The following CEMIP2 variants were observed in gnomAD, a reference collection of about 807,000 sequenced individuals.
CEMIP2 encodes cell migration inducing hyaluronidase 2.
CEMIP2 carries 79 observed loss-of-function variants against 146.9 expected under a neutral mutation model. The observed-to-expected ratio is 0.54, with a 90% CI of 0.45 to 0.65. CEMIP2 has a LOEUF of 0.65. Ranked by LOEUF, CEMIP2 falls within the 30% of genes least tolerant of loss-of-function variation. The probability of loss-of-function intolerance (pLI) is 0.00; values close to 1 mark genes in which losing one functional copy is unlikely to be tolerated. For missense variants in CEMIP2, 1,596 were observed against 1,696.2 expected (o/e 0.94, Z 1.04); for synonymous variants, 601 against 606.3 (o/e 0.99, Z 0.13).
At chr9:71,698,283 CA>C in intron 19 of CEMIP2, 79 bp from the exon 20 acceptor site, 4 of 1,179,422 alleles carry the variant, frequency 3.4e-6, no homozygotes, top group East Asian at 4.7e-5. Context: ...AGCTCATGGC[CA>C]AAAGGGATAT....
rs1490583380 is a variant in CEMIP2 at position 71,730,415 on chromosome 9, G to A, written c.1774-162C>T. 4.6e-5 allele frequency among the ~76,000 whole-genome samples: 7 copies of A among 152,020 alleles called. No individual in the cohort carries two copies. The East Asian group carries it at 1.4e-3, about 29-fold the overall frequency. On this transcript the variant is annotated intron_variant, in intron 8 of 23. Transcript: ENST00000377044. ...TGTCAGGCTTAATTTATCTCTGAAG[G>A]GGATAATCTGCTTGGGTCCCACAGG...
At chr9:71,764,641 G>A (rs905362693) in intron 1 of CEMIP2, among the ~76,000 whole-genome samples, 1 of 151,756 alleles carries the variant, frequency 6.6e-6, no homozygotes, top group Non-Finnish European at 1.5e-5. Context: ...CCTCCCCACC[G>A]CACCCCTGGC....
At chr9:71,733,053 G>C (rs1346388979) in intron 6 of CEMIP2, among the ~76,000 whole-genome samples, 1 of 151,824 alleles carries the variant, frequency 6.6e-6, no homozygotes. Context: ...CCTCCCCTAG[G>C]GCATATGAAG....
chr9:71,712,326 GT>G, intron 15 of CEMIP2, 66 bp from the exon 16 acceptor site: 1 of 1,488,370 alleles, frequency 6.7e-7, no homozygotes, highest in Non-Finnish European at 9.2e-7. Context: ...TCACTTACTT[GT>G]TTTATGAAGA....
intron 23 of CEMIP2, 63 bp downstream of exon 23, chr9:71,685,680 C>A: frequency 7.3e-7 from 1 of 1,360,912 alleles, no homozygotes; most frequent in East Asian, 2.3e-5. Flanking sequence ...AGCTGAATTG[C>A]ACCATAAAAT....
intron 11 of CEMIP2, 136 bp from the exon 12 acceptor site, chr9:71,722,651 C>T: frequency 2.1e-6 from 1 of 469,522 alleles, no homozygotes. Context: ...AGCAAAGGTA[C>T]TGTAAAAAAA....
At chr9:71,733,618 C>T (rs112049623) in intron 6 of CEMIP2, among the ~76,000 whole-genome samples, 27 of 152,140 alleles carry the variant, frequency 1.8e-4, no homozygotes, top group African/African-American at 6.3e-4. Flanking sequence ...TACTGAAAAA[C>T]TAAAGAAGCA....
chr9:71,698,230 G>T, intron 19 of CEMIP2, 26 bp from the exon 20 acceptor site: 5 of 1,601,586 alleles, frequency 3.1e-6, no homozygotes, highest in Non-Finnish European at 4.3e-6. Flanking sequence ...ACCAATCCAT[G>T]TAGTTAGACT....
In CEMIP2 at chr9:71,694,600, A is replaced by C; in HGVS notation, c.3605T>G (p.Phe1202Cys). The C allele has an allele frequency of 6.2e-7, 1 of 1,610,704 alleles. No individual in the cohort carries two copies. The highest frequency in any genetic ancestry group is 8.5e-7 in the Non-Finnish European group (1 of 1,177,016). The part of the protein sequence containing the change: ...CQGCGTRQVV[F>C]TSDPHKSYLP... ...GTAACTTTTATGAGGATCACTAGTA[A>C]ACACCACCTAGACAGAGAAGAAGTT... Residue 1202 changes from phenylalanine to cysteine, a missense_variant, in exon 21 of 24, where the codon TTT becomes TGT. Coordinates refer to ENST00000377044, the MANE Select transcript of CEMIP2 (RefSeq NM_013390.3).
Position 71,725,593 on chromosome 9 carries a change from A to G in CEMIP2, c.2166T>C (p.His722=), listed in dbSNP as rs1295585800. 1.9e-6 allele frequency: 3 copies of G among 1,613,642 alleles called. No homozygotes were observed. In the African/African-American group the frequency reaches 4.0e-5, roughly 22 times the overall value. The change falls in exon 11 of 24, where the codon CAT becomes CAC. Residue 722 remains histidine (H), a synonymous_variant. Coordinates refer to ENST00000377044, the MANE Select transcript of CEMIP2 (RefSeq NM_013390.3). ...CTTAGAAACCTACCTTAAAATTTGA[A>G]TGGACCCTGTTGTTATAAAATATAC... The part of the protein sequence containing the change: ...PLGIFYNNRV[H]SNFKAGLFID...
Position 71,683,886 on chromosome 9 carries a change from C to T in CEMIP2, c.*1311G>A, listed in dbSNP as rs1821978166. On this transcript the variant is annotated 3_prime_UTR_variant, in exon 24 of 24. Transcript: ENST00000377044. ...CTACCACCCACCCTTGGCCATCCCT[C>T]CTCTACACTTTATGCGTCGGGGGTT... 1 of 152,476 alleles carries T rather than the reference C, an allele frequency of 6.6e-6. No individual in the cohort carries two copies. Among genetic ancestry groups the T allele is most frequent in the Non-Finnish European group, 1.5e-5 (1 of 68,062 alleles). The allele number at this position is 152,476 out of a possible 1,614,324, so 9.4% of individuals were successfully genotyped here.
intron 1 of CEMIP2, among the ~76,000 whole-genome samples, chr9:71,764,561 C>T (rs1289235580): frequency 6.6e-6 from 1 of 152,018 alleles, no homozygotes; most frequent in Non-Finnish European, 1.5e-5. Flanking sequence ...CTTTGAGGTC[C>T]CTTCAAGCGA....
intron 5 of CEMIP2, among the ~76,000 whole-genome samples, chr9:71,736,472 A>G (rs1823764002): frequency 6.6e-6 from 1 of 152,196 alleles, no homozygotes; most frequent in Admixed American, 6.5e-5. Flanking sequence ...TCTGCAATGT[A>G]ACCTGAGGTC....
intron 10 of CEMIP2, among the ~76,000 whole-genome samples, chr9:71,726,360 T>C (rs1823385158): frequency 6.6e-6 from 1 of 152,214 alleles, no homozygotes; most frequent in Admixed American, 6.5e-5. Flanking sequence ...AAATGTTAAT[T>C]CCCATGACAA....
At chr9:71,701,635 G>A (rs1822565289) in intron 18 of CEMIP2, among the ~76,000 whole-genome samples, 1 of 152,020 alleles carries the variant, frequency 6.6e-6, no homozygotes, top group South Asian at 2.1e-4. Context: ...AGTTCCTAGT[G>A]GGAAAATTGC....
chr9:71,696,243 G>C (rs1255814383), intron 20 of CEMIP2, among the ~76,000 whole-genome samples: 3 of 152,112 alleles, frequency 2.0e-5, no homozygotes, highest in African/African-American at 7.2e-5. Context: ...AACAAATCCA[G>C]CTTGAGAATT....
At chr9:71,747,411 T>G (rs1274385564) in intron 2 of CEMIP2, among the ~76,000 whole-genome samples, 2 of 152,000 alleles carry the variant, frequency 1.3e-5, no homozygotes, top group African/African-American at 4.8e-5. Context: ...GGGGCTGGAG[T>G]AACTGAGGCA....
chr9:71,765,547 T>G (rs536598171), intron 1 of CEMIP2, among the ~76,000 whole-genome samples: 2 of 152,324 alleles, frequency 1.3e-5, no homozygotes, highest in South Asian at 4.1e-4. Context: ...TTCACCATTT[T>G]AAGATAGTAC....
chr9:71,690,214 T>G lies in CEMIP2; in HGVS notation c.3729A>C (p.Ala1243=), dbSNP rs1328394853. ...GATCCACAACAAGGAGGAGGACGCC[T>G]GCACTTCGGAAGGTAAAGTCAGTGC... ...VNGTDFTFRS[A]GVLLLVVDPC... is the part of the protein sequence containing the mutation. Residue 1243 remains alanine, a synonymous_variant, in exon 22 of 24, where the codon GCA becomes GCC. Coordinates refer to ENST00000377044, the MANE Select transcript of CEMIP2 (RefSeq NM_013390.3). 6.2e-7 allele frequency: 1 copy of G among 1,614,116 alleles called. No homozygotes were observed.
Sources: allele counts gnomAD v4.1 joint callset (sites outside exome capture counted in the v4.1 genomes callset), GRCh38; gene constraint gnomAD v4.1.1; transcripts MANE v1.5; gene names NCBI Gene and HGNC (gene_info 2026-07-23, HGNC 2026-07-21).